CPEB3: variants seen among roughly 807,000 people sequenced by gnomAD.
CPEB3 encodes cytoplasmic polyadenylation element-binding protein 3.
Under a neutral mutation model 67.2 loss-of-function variants are expected in CPEB3, and 20 were observed. The ratio of observed to expected loss-of-function variants is 0.30; its 90% CI spans 0.21 to 0.43. The LOEUF (loss-of-function observed/expected upper bound fraction) is 0.43, where lower values mean the gene tolerates loss of function less well. Among genes scored for constraint, CPEB3 ranks in the 20% least tolerant of loss-of-function variants. The probability of loss-of-function intolerance (pLI) is 1.00; values close to 1 mark genes in which losing one functional copy is unlikely to be tolerated. For synonymous variants in CPEB3, 376 were observed against 393.1 expected, an observed-to-expected ratio of 0.96 and a Z score of 0.51; for missense variants, 746 against 968.6, an observed-to-expected ratio of 0.77 and a Z score of 3.05.
chr10:92,267,748 T>C (rs568805174), intron 1 of CPEB3, among the ~76,000 whole-genome samples: 14 of 152,338 alleles, frequency 9.2e-5, no homozygotes, highest in Admixed American at 4.6e-4. Context: ...ATGTTTATTA[T>C]TGATTAACAA....
At chr10:92,184,895 G>A (rs1848619353) in intron 3 of CPEB3, among the ~76,000 whole-genome samples, 1 of 152,184 alleles carries the variant, frequency 6.6e-6, no homozygotes, top group Admixed American at 6.5e-5. Flanking sequence ...CCACGTTAGG[G>A]AGTGTATATG....
chr10:92,216,823 G>A (rs1424827168), intron 2 of CPEB3: 19 of 1,603,776 alleles, frequency 1.2e-5, no homozygotes, highest in Non-Finnish European at 1.4e-5. Flanking sequence ...GGCACCTGCC[G>A]CTGGAAGCTA....
At chr10:92,098,053 TG>T (rs1843965702) in intron 7 of CPEB3, among the ~76,000 whole-genome samples, 2 of 149,654 alleles carry the variant, frequency 1.3e-5, no homozygotes, top group Non-Finnish European at 3.0e-5. Flanking sequence ...CCCAGCTACT[TG>T]GGAGGCTGAG....
At chr10:92,106,374 G>A (rs770669501) in intron 7 of CPEB3, among the ~76,000 whole-genome samples, 5 of 152,012 alleles carry the variant, frequency 3.3e-5, no homozygotes, top group Non-Finnish European at 5.9e-5. Context: ...TCTGAAGGAA[G>A]GCACACCATT....
intron 1 of CPEB3, among the ~76,000 whole-genome samples, chr10:92,270,591 C>T (rs10882043): frequency 7.2e-6 from 1 of 138,970 alleles, no homozygotes. Flanking sequence ...GACACAGGTT[C>T]TCACTCTGTT....
chr10:92,227,854 G>C (rs992408913), intron 2 of CPEB3, among the ~76,000 whole-genome samples: 16 of 151,548 alleles, frequency 1.1e-4, no homozygotes, highest in Non-Finnish European at 1.9e-4. Flanking sequence ...GCCTCCCAAA[G>C]TGCTGGGATT....
chr10:92,121,823 A>C (rs1412396745), intron 6 of CPEB3, among the ~76,000 whole-genome samples: 3 of 152,164 alleles, frequency 2.0e-5, no homozygotes, highest in Non-Finnish European at 4.4e-5. Context: ...CTCCTCTCAC[A>C]AAATCAAGCT....
intron 9 of CPEB3, among the ~76,000 whole-genome samples, chr10:92,061,059 C>T (rs1842324395): frequency 6.6e-6 from 1 of 152,170 alleles, no homozygotes; most frequent in Non-Finnish European, 1.5e-5. Context: ...GAGATATCTG[C>T]ACTCCTATGT....
intron 4 of CPEB3, among the ~76,000 whole-genome samples, chr10:92,154,941 G>A (rs957687969): frequency 6.6e-6 from 1 of 152,236 alleles, no homozygotes; most frequent in Non-Finnish European, 1.5e-5. Flanking sequence ...ATGGCCAGAT[G>A]TGGTGGCTCA....
intron 2 of CPEB3, among the ~76,000 whole-genome samples, chr10:92,206,105 T>G (rs1378761069): frequency 6.6e-6 from 1 of 151,644 alleles, no homozygotes; most frequent in Non-Finnish European, 1.5e-5. Flanking sequence ...AGACAGAGTT[T>G]CGCTGGTCCA....
chr10:92,113,351 T>C (rs1386771412), intron 6 of CPEB3, among the ~76,000 whole-genome samples: 1 of 152,228 alleles, frequency 6.6e-6, no homozygotes, highest in Non-Finnish European at 1.5e-5. Flanking sequence ...AAAAATTCAG[T>C]GTTTTCACTT....
chr10:92,127,345 T>C (rs1046018840), intron 6 of CPEB3, among the ~76,000 whole-genome samples: 2 of 152,050 alleles, frequency 1.3e-5, no homozygotes, highest in African/African-American at 4.8e-5. Flanking sequence ...GGCTAGACAT[T>C]TGAGCAGTGT....
chr10:92,275,841 TTTTC>T (rs199857663), intron 1 of CPEB3, among the ~76,000 whole-genome samples: 13,617 of 142,416 alleles, frequency 0.096, 728 homozygotes, highest in Middle Eastern at 0.17. Context: ...TACTTCATTC[TTTTC>T]TTTTTTTTTT....
At chr10:92,090,266 C>T (rs940301116) in intron 8 of CPEB3, among the ~76,000 whole-genome samples, 1 of 152,138 alleles carries the variant, frequency 6.6e-6, no homozygotes, top group Non-Finnish European at 1.5e-5. Context: ...TGTGGCTGGG[C>T]GTGGTGGCTC....
At chr10:92,180,408 C>A (rs1216875179) in intron 4 of CPEB3, among the ~76,000 whole-genome samples, 1 of 152,150 alleles carries the variant, frequency 6.6e-6, no homozygotes, top group Non-Finnish European at 1.5e-5. Flanking sequence ...ATATTCTCTA[C>A]CCCACTTCCT....
chr10:92,114,173 C>T (rs1181650125), intron 6 of CPEB3, among the ~76,000 whole-genome samples: 1 of 152,132 alleles, frequency 6.6e-6, no homozygotes, highest in African/African-American at 2.4e-5. Context: ...GGCCTTCCAA[C>T]CAAAACAGAA....
chr10:92,251,160 A>G (rs182646579), intron 1 of CPEB3, among the ~76,000 whole-genome samples: 8 of 152,324 alleles, frequency 5.3e-5, no homozygotes, highest in African/African-American at 1.7e-4. Context: ...AAAAGGCTGT[A>G]CTATACAGCC....
At chr10:92,171,486 A>G (rs1440780363) in intron 4 of CPEB3, among the ~76,000 whole-genome samples, 1 of 152,130 alleles carries the variant, frequency 6.6e-6, no homozygotes, top group Non-Finnish European at 1.5e-5. Context: ...TCTCTCAGAC[A>G]TGGGTGTTTT....
intron 8 of CPEB3, 68 bp from the exon 9 acceptor site, chr10:92,081,569 A>G (rs1843154967): frequency 7.5e-7 from 1 of 1,328,602 alleles, no homozygotes; most frequent in Non-Finnish European, 1.0e-6. Flanking sequence ...AGGAGAAGGA[A>G]GAATTATTTA....
Sources: gnomAD v4.1 joint callset for allele counts (sites outside exome capture counted in the v4.1 genomes callset) on GRCh38, gnomAD v4.1.1 for gene constraint, MANE v1.5 for transcripts, NCBI Gene and HGNC (gene_info 2026-07-23, HGNC 2026-07-21) for gene names.